XPNPEP1: variants seen among roughly 807,000 people sequenced by gnomAD.
XPNPEP1 encodes xaa-Pro aminopeptidase 1.
A neutral mutation model predicts 92.4 loss-of-function variants in XPNPEP1; 39 were observed. The observed-to-expected ratio is 0.42, with a 90% CI of 0.33 to 0.55. The LOEUF (loss-of-function observed/expected upper bound fraction) is 0.55, where lower values mean the gene tolerates loss of function less well. Ranked by LOEUF, XPNPEP1 falls within the 20% of genes least tolerant of loss-of-function variation. The pLI, the probability that XPNPEP1 is intolerant of heterozygous loss-of-function variation, is 0.08. For missense variants in XPNPEP1, 654 were observed against 856.1 expected (o/e 0.76, Z 2.95); for synonymous variants, 307 against 299.4 (o/e 1.03, Z -0.26).
chr10:109,913,427 C>T (rs1236057266), intron 2 of XPNPEP1, among the ~76,000 whole-genome samples: 3 of 152,226 alleles, frequency 2.0e-5, no homozygotes, highest in African/African-American at 7.2e-5. Flanking sequence ...CCAATTTCAG[C>T]ATCTTAACAC....
At position 109,891,823 on chromosome 10, in the gene XPNPEP1, G is replaced by C. The variant is rs769752529; in HGVS notation, c.314C>G (p.Thr105Arg). Residue 105 changes from threonine (T) to arginine (R), a missense_variant, in exon 5 of 21, where the codon ACA becomes AGA. Coordinates refer to ENST00000502935, the MANE Select transcript of XPNPEP1 (RefSeq NM_020383.4). ...TGCATGCTCTTCTGTGATGATGGCT[G>C]TGCCTGAAGCAGGGGAGAAAAAAAA... Reference protein sequence around the residue: ...FVSGFDGSAGTAIITEEHAAM... With the variant: ...FVSGFDGSAGRAIITEEHAAM... 6.2e-7 allele frequency: 1 copy of C among 1,611,178 alleles called. No individual in the cohort carries two copies. Among genetic ancestry groups the C allele is most frequent in the African/African-American group, 1.3e-5 (1 of 74,524 alleles).
chr10:109,891,705 G>A lies in XPNPEP1; in HGVS notation c.415+17C>T. On this transcript the variant is annotated intron_variant, in intron 5 of 20. Coordinates refer to ENST00000502935, the MANE Select transcript of XPNPEP1 (RefSeq NM_020383.4). ...GATCAGGCCAACTAAGTTTGGGCTAGCCATGCCTGTACCCACCCATCTTCA... is the reference window on the plus strand; with the variant it reads ...GATCAGGCCAACTAAGTTTGGGCTAACCATGCCTGTACCCACCCATCTTCA... 1 of 1,545,880 alleles carries A rather than the reference G, an allele frequency of 6.5e-7. No homozygotes were observed. Among genetic ancestry groups the A allele is most frequent in the Non-Finnish European group, 8.7e-7 (1 of 1,152,586 alleles).
chr10:109,903,948 G>A (rs1300236165), intron 3 of XPNPEP1, among the ~76,000 whole-genome samples: 3 of 150,898 alleles, frequency 2.0e-5, no homozygotes, highest in South Asian at 4.2e-4. Flanking sequence ...GGGTTCAAGC[G>A]ATTCTCCCAC....
At chr10:109,890,214 G>A (rs1014534456) in intron 5 of XPNPEP1, among the ~76,000 whole-genome samples, 2 of 152,182 alleles carry the variant, frequency 1.3e-5, no homozygotes, top group African/African-American at 4.8e-5. Flanking sequence ...GGCAGGCAGT[G>A]TTTGCGCCTC....
intron 3 of XPNPEP1, chr10:109,893,498 A>G (rs1340375060): frequency 3.1e-5 from 5 of 160,948 alleles, no homozygotes; most frequent in Non-Finnish European, 6.8e-5. Flanking sequence ...AAGTTTCTGT[A>G]GATACTGACT....
Position 109,880,849 on chromosome 10 carries a change from C to T in XPNPEP1, c.1124G>A (p.Arg375Gln), listed in dbSNP as rs760223369. ...KNSAESEGMR[R>Q]AHIKDAVALC... Reference sequence around the variant, plus strand: ...ACCAGCTCCTCTACTCACGTGAGCCCGCCTCATGCCTTCTGACTCAGCTGA... The same window carrying T: ...ACCAGCTCCTCTACTCACGTGAGCCTGCCTCATGCCTTCTGACTCAGCTGA... The change falls in exon 11 of 21, where the codon CGG becomes CAG. Residue 375 changes from arginine (R) to glutamine (Q), a missense_variant. Transcript: ENST00000502935. 4.0e-5 allele frequency: 64 copies of T among 1,613,806 alleles called. No individual in the cohort carries two copies. Among genetic ancestry groups the T allele is most frequent in the Non-Finnish European group, 5.2e-5 (61 of 1,179,944 alleles).
At chr10:109,905,438 G>C (rs2133514805) in intron 3 of XPNPEP1, among the ~76,000 whole-genome samples, 1 of 152,226 alleles carries the variant, frequency 6.6e-6, no homozygotes, top group East Asian at 1.9e-4. Flanking sequence ...TCCAACTCCT[G>C]ACCTCATGAT....
In XPNPEP1 at chr10:109,865,039, A is replaced by G; in HGVS notation, c.*145T>C. The G allele has an allele frequency of 8.7e-7, 1 of 1,155,506 alleles. No homozygotes were observed. The highest frequency in any genetic ancestry group is 1.2e-6 in the Non-Finnish European group (1 of 819,884). 71.6% of individuals were successfully genotyped at this position (1,155,506 alleles called of 1,614,324 possible). On this transcript the variant is annotated 3_prime_UTR_variant, in exon 21 of 21. Transcript: ENST00000502935. ...TTTGCAATAAAATATCAAAGAGGATAAGAAGATTTTCTGTTCTTCTTAAAG... is the reference window on the plus strand; with the variant it reads ...TTTGCAATAAAATATCAAAGAGGATGAGAAGATTTTCTGTTCTTCTTAAAG...
intron 15 of XPNPEP1, among the ~76,000 whole-genome samples, chr10:109,875,269 AC>A (rs1241289677): frequency 1.3e-5 from 2 of 152,190 alleles, no homozygotes; most frequent in African/African-American, 4.8e-5. Flanking sequence ...GCTTTACTTC[AC>A]AGTTGTTTAC....
At chr10:109,900,997 G>A (rs911764987) in intron 3 of XPNPEP1, among the ~76,000 whole-genome samples, 7 of 151,954 alleles carry the variant, frequency 4.6e-5, no homozygotes, top group East Asian at 1.9e-4. Flanking sequence ...TGTTTATTGC[G>A]GCACTATTCA....
rs527414795 is a variant in XPNPEP1 at position 109,880,924 on chromosome 10, C to T, written c.1049G>A (p.Arg350His). Residue 350 changes from arginine (R) to histidine (H), a missense_variant, in exon 11 of 21, where the codon CGC becomes CAC. Transcript: ENST00000502935. ...GATGGGGGTGTAAGGCATACAGCAG[C>T]GGTGGTCCTAGAGGCAAAGGGCAGT... is the stretch of plus-strand genomic sequence containing the variant. Reference protein sequence around the residue: ...AVSETIPKDHRCCMPYTPICI... With the variant: ...AVSETIPKDHHCCMPYTPICI... 5.0e-6 allele frequency: 8 copies of T among 1,613,766 alleles called. No homozygotes were observed. The highest frequency in any genetic ancestry group is 3.3e-5 in the South Asian group (3 of 90,988).
Position 109,906,221 on chromosome 10 carries a change from C to T in XPNPEP1, c.246+1470G>A, listed in dbSNP as rs1849552861. On this transcript the variant is annotated intron_variant, in intron 3 of 20. Transcript: ENST00000502935. ...AGACACAGACACGCACACGTGCACACACACAGAGTAACCAGGACCATGCAG... is the reference window on the plus strand; with the variant it reads ...AGACACAGACACGCACACGTGCACATACACAGAGTAACCAGGACCATGCAG... Among the ~76,000 whole-genome samples the T allele has an allele frequency of 2.6e-5, 4 of 152,312 alleles. No individual in the cohort carries two copies. The East Asian group carries it at 7.7e-4, about 29-fold the overall frequency.
chr10:109,900,995 G>A (rs1224520377), intron 3 of XPNPEP1, among the ~76,000 whole-genome samples: 2 of 152,062 alleles, frequency 1.3e-5, no homozygotes, highest in Non-Finnish European at 2.9e-5. Flanking sequence ...TATGTTTATT[G>A]CGGCACTATT....
chr10:109,884,268 C>T (rs563904923), intron 8 of XPNPEP1, 120 bp from the exon 9 acceptor site: 11 of 950,420 alleles, frequency 1.2e-5, no homozygotes, highest in African/African-American at 9.9e-5. Context: ...TCAGTGGAAT[C>T]GCACAGAAAG....
At chr10:109,877,934 C>A in intron 13 of XPNPEP1, 66 bp downstream of exon 13, 1 of 1,614,082 alleles carries the variant, frequency 6.2e-7, no homozygotes. Flanking sequence ...CAGGGCCCTT[C>A]CAGCCTCATT....
intron 12 of XPNPEP1, among the ~76,000 whole-genome samples, chr10:109,879,317 A>C (rs1847960456): frequency 6.6e-6 from 1 of 152,006 alleles, no homozygotes; most frequent in Non-Finnish European, 1.5e-5. Flanking sequence ...CATGCCTGTA[A>C]TCCCAGCACT....
chr10:109,917,346 C>G (rs374354979), intron 1 of XPNPEP1, among the ~76,000 whole-genome samples: 2 of 152,012 alleles, frequency 1.3e-5, no homozygotes, highest in South Asian at 2.1e-4. Context: ...TTGTAATGAG[C>G]AATTCAAAAA....
chr10:109,912,869 G>A (rs1182020923), intron 2 of XPNPEP1, among the ~76,000 whole-genome samples: 1 of 152,160 alleles, frequency 6.6e-6, no homozygotes, highest in Non-Finnish European at 1.5e-5. Context: ...ACTCAAAGAT[G>A]GCTAAATCAA....
At chr10:109,889,843 G>T (rs1848602658) in intron 5 of XPNPEP1, among the ~76,000 whole-genome samples, 1 of 152,154 alleles carries the variant, frequency 6.6e-6, no homozygotes, top group East Asian at 1.9e-4. Context: ...GGTTTATAAA[G>T]AAAGAAGCTC....
Sources: gnomAD v4.1 joint callset for allele counts (sites outside exome capture counted in the v4.1 genomes callset) on GRCh38, gnomAD v4.1.1 for gene constraint, MANE v1.5 for transcripts, NCBI Gene and HGNC (gene_info 2026-07-23, HGNC 2026-07-21) for gene names.